Variants in MAP4K4 observed in about 807,000 individuals in gnomAD.
MAP4K4 encodes HPK/GCK-like kinase HGK.
In MAP4K4, 38 loss-of-function variants were observed where a neutral mutation model predicts 189.6. That is an observed-to-expected ratio of 0.20 (90% confidence interval 0.15 to 0.26). The LOEUF is 0.26. Among genes scored for constraint, MAP4K4 ranks in the 10% least tolerant of loss-of-function variants. The pLI, the probability that MAP4K4 is intolerant of heterozygous loss-of-function variation, is 1.00. For missense variants in MAP4K4, 1,054 were observed against 1,726.9 expected (o/e 0.61, Z 6.91); for synonymous variants, 610 against 624.3 (o/e 0.98, Z 0.34).
At chr2:101,875,365 ATT>A (rs74794907) in intron 26 of MAP4K4, among the ~76,000 whole-genome samples, 3 of 145,918 alleles carry the variant, frequency 2.1e-5, no homozygotes, top group Admixed American at 6.9e-5. Context: ...GTTGTACAGC[ATT>A]TTTTTTTTTT....
chr2:101,762,895 T>C (rs150629316), intron 2 of MAP4K4, among the ~76,000 whole-genome samples: 53 of 152,304 alleles, frequency 3.5e-4, no homozygotes, highest in African/African-American at 1.2e-3. Context: ...GCAGCTGTTT[T>C]GGGCTGGTGG....
chr2:101,849,074 C>CT (rs2149675268), intron 12 of MAP4K4, among the ~76,000 whole-genome samples: 1 of 152,200 alleles, frequency 6.6e-6, no homozygotes, highest in Non-Finnish European at 1.5e-5. Flanking sequence ...TCAGTTTACT[C>CT]TAAGTGAATT....
In MAP4K4 at chr2:101,859,590, A is replaced by T. The variant is rs567925942; in HGVS notation, c.1483-53A>T. 1.2e-4 allele frequency: 155 copies of T among 1,313,996 alleles called. 1 individual carries two copies. Among genetic ancestry groups the T allele is most frequent in the Middle Eastern group, 6.4e-4 (3 of 4,694 alleles). 81.4% of individuals were successfully genotyped at this position (1,313,996 alleles called of 1,614,324 possible). A position where few individuals can be genotyped will look rare whatever the true frequency, so the allele number is the denominator to read the frequency against. On this transcript the variant is annotated intron_variant, in intron 14 of 32. Coordinates refer to ENST00000324219, the Ensembl canonical transcript of MAP4K4. ...TAAAAGCCGAACAAATCCAGAGAAG[A>T]GGCGAGCTCTCCAGTGTCCCATAGA...
intron 15 of MAP4K4, chr2:101,860,500 T>G: frequency 4.9e-6 from 1 of 203,214 alleles, no homozygotes; most frequent in Non-Finnish European, 1.0e-5. Flanking sequence ...TTTCTGATGA[T>G]AGTTTTTTAG....
At chr2:101,859,207 G>A in intron 14 of MAP4K4, 125 bp downstream of exon 14, 1 of 710,812 alleles carries the variant, frequency 1.4e-6, no homozygotes, top group Non-Finnish European at 2.4e-6. Flanking sequence ...CTGAAATAGT[G>A]ATGCCCATTT....
At position 101,844,979 on chromosome 2, in the gene MAP4K4, C is replaced by T. The variant is rs562154433; in HGVS notation, c.1233+668C>T. Among the ~76,000 whole-genome samples, 48 of 151,864 alleles carry T rather than the reference C, an allele frequency of 3.2e-4. No homozygotes were observed. In the Middle Eastern group the frequency reaches 0.01, roughly 32 times the overall value. ...AGATTTGGACATAGAGGCGGAAACACGGGAAGAGTGCCGCGTGGCAAGGGA... is the reference window on the plus strand; with the variant it reads ...AGATTTGGACATAGAGGCGGAAACATGGGAAGAGTGCCGCGTGGCAAGGGA... On this transcript the variant is annotated intron_variant, in intron 12 of 32. Transcript: ENST00000324219.
intron 2 of MAP4K4, among the ~76,000 whole-genome samples, chr2:101,778,425 A>G (rs901516013): frequency 6.6e-6 from 1 of 151,914 alleles, no homozygotes; most frequent in African/African-American, 2.4e-5. Context: ...CCCAGGCTTT[A>G]CATTGATAGC....
At chr2:101,751,189 A>C (rs188904486) in intron 2 of MAP4K4, among the ~76,000 whole-genome samples, 1 of 152,256 alleles carries the variant, frequency 6.6e-6, no homozygotes, top group Non-Finnish European at 1.5e-5. Context: ...ACAGTTGTAC[A>C]TACACACATT....
chr2:101,745,448 A>AAAG (rs1553418080), intron 2 of MAP4K4, among the ~76,000 whole-genome samples: 5,030 of 147,298 alleles, frequency 0.034, 117 homozygotes, highest in Non-Finnish European at 0.047. Context: ...TAAAAAAAAA[A>AAAG]AAAAAAAAAA....
chr2:101,797,888 A>ATTTTTTTTTTT (rs1558971586), intron 3 of MAP4K4, among the ~76,000 whole-genome samples: 2 of 7,616 alleles, frequency 2.6e-4, no homozygotes, highest in Non-Finnish European at 2.3e-4. Context: ...ACATTCTTTT[A>ATTTTTTTTTTT]GTTTTTTTTT....
intron 3 of MAP4K4, among the ~76,000 whole-genome samples, chr2:101,817,393 T>G (rs1390561298): frequency 6.6e-6 from 1 of 152,200 alleles, no homozygotes; most frequent in Non-Finnish European, 1.5e-5. Flanking sequence ...GTCCTCCTTG[T>G]GGGTCATTCA....
At chr2:101,828,748 T>C (rs1216791147) in intron 5 of MAP4K4, among the ~76,000 whole-genome samples, 1 of 152,234 alleles carries the variant, frequency 6.6e-6, no homozygotes, top group Non-Finnish European at 1.5e-5. Flanking sequence ...GCTGTATATT[T>C]GGCTTCTCTA....
intron 27 of MAP4K4, among the ~76,000 whole-genome samples, chr2:101,877,892 G>T (rs1213023778): frequency 1.3e-5 from 2 of 152,118 alleles, no homozygotes; most frequent in Admixed American, 1.3e-4. Context: ...TGGGACTACA[G>T]GCACTTCCCA....
At chr2:101,731,268 C>T (rs2058356148) in intron 2 of MAP4K4, among the ~76,000 whole-genome samples, 2 of 151,612 alleles carry the variant, frequency 1.3e-5, no homozygotes, top group South Asian at 4.2e-4. Context: ...GGGTGTGTGC[C>T]ACCATGCCTG....
intron 18 of MAP4K4, 111 bp downstream of exon 18, chr2:101,865,147 T>A (rs1404291684): frequency 1.6e-6 from 1 of 638,308 alleles, no homozygotes; most frequent in Non-Finnish European, 2.7e-6. Flanking sequence ...GGCTAAGAGA[T>A]TATCAGTTAT....
chr2:101,860,793 A>G (rs955858163), intron 15 of MAP4K4, 32 bp from the exon 16 acceptor site: 15 of 1,563,910 alleles, frequency 9.6e-6, no homozygotes, highest in Admixed American at 1.9e-5. Context: ...CCCTACTAAC[A>G]CTGAGTTATG....
At chr2:101,760,485 C>T (rs1262595762) in intron 2 of MAP4K4, among the ~76,000 whole-genome samples, 2 of 129,756 alleles carry the variant, frequency 1.5e-5, no homozygotes, top group African/African-American at 3.2e-5. Flanking sequence ...AAGACTCCAT[C>T]TCAAAAAAAA....
At chr2:101,841,089 T>A (rs931946767) in intron 10 of MAP4K4, among the ~76,000 whole-genome samples, 2 of 152,208 alleles carry the variant, frequency 1.3e-5, no homozygotes, top group African/African-American at 4.8e-5. Context: ...TCATGGAACA[T>A]TTGCCAGATA....
intron 24 of MAP4K4, 93 bp downstream of exon 24, chr2:101,871,778 CCCCTT>C: frequency 8.6e-7 from 1 of 1,168,348 alleles, no homozygotes; most frequent in Non-Finnish European, 1.2e-6. Flanking sequence ...AACACCCTCA[CCCCTT>C]CCCTTCCCAC....
Sources: gnomAD v4.1 joint callset for allele counts (sites outside exome capture counted in the v4.1 genomes callset) on GRCh38, gnomAD v4.1.1 for gene constraint, MANE v1.5 for transcripts, NCBI Gene and HGNC (gene_info 2026-07-23, HGNC 2026-07-21) for gene names.